EEPD1: variants seen among roughly 807,000 people sequenced by gnomAD.
EEPD1 encodes the protein endonuclease/exonuclease/phosphatase family domain containing 1.
In EEPD1, 17 loss-of-function variants were observed where a neutral mutation model predicts 46.3. The ratio of observed to expected loss-of-function variants is 0.37; its 90% CI spans 0.25 to 0.55. The LOEUF (loss-of-function observed/expected upper bound fraction) is 0.55. EEPD1 is among the 20% of genes least tolerant of loss of function. EEPD1 has a pLI of 0.83. For synonymous variants in EEPD1, 313 were observed against 315.6 expected, an observed-to-expected ratio of 0.99 and a Z score of 0.09; for missense variants, 673 against 745.6, an observed-to-expected ratio of 0.90 and a Z score of 1.13.
intron 2 of EEPD1, among the ~76,000 whole-genome samples, chr7:36,173,586 A>G (rs978866791): frequency 2.0e-5 from 3 of 151,804 alleles, no homozygotes; most frequent in Non-Finnish European, 2.9e-5. Context: ...TTCCACCATG[A>G]TTGTAAGTTT....
intron 2 of EEPD1, among the ~76,000 whole-genome samples, chr7:36,201,975 G>A (rs1328096405): frequency 6.6e-6 from 1 of 152,206 alleles, no homozygotes; most frequent in Non-Finnish European, 1.5e-5. Context: ...TGGACCAGCA[G>A]CATCAGCATC....
rs1787572425 is a variant in EEPD1, at chr7:36,299,000, C to T, written c.1511-7C>T. 1.9e-6 allele frequency: 3 copies of T among 1,613,796 alleles called. No individual in the cohort carries two copies. The highest frequency in any genetic ancestry group is 2.5e-6 in the Non-Finnish European group (3 of 1,179,856). On this transcript the variant is annotated splice_region_variant and splice_polypyrimidine_tract_variant and intron_variant, in intron 7 of 7. Transcript: ENST00000242108. ...ATTCCCGGTCTCTTTCCTTCCTCTCCCTTCAGGTCACTGGGCTGTGGTGAG... is the reference window on the plus strand; with the variant it reads ...ATTCCCGGTCTCTTTCCTTCCTCTCTCTTCAGGTCACTGGGCTGTGGTGAG...
intron 2 of EEPD1, among the ~76,000 whole-genome samples, chr7:36,182,713 G>A (rs1488461906): frequency 6.6e-6 from 1 of 152,196 alleles, no homozygotes; most frequent in African/African-American, 2.4e-5. Flanking sequence ...GTCAGGATTG[G>A]AACTCCTGAT....
intron 6 of EEPD1, among the ~76,000 whole-genome samples, chr7:36,296,694 C>CT (rs60706978): frequency 0.11 from 9,026 of 82,996 alleles, 703 homozygotes; most frequent in South Asian, 0.21. Context: ...ACCCTTAGGT[C>CT]TTTTTTTTTT....
intron 2 of EEPD1, among the ~76,000 whole-genome samples, chr7:36,236,771 A>G (rs1239302803): frequency 3.9e-5 from 6 of 152,218 alleles, no homozygotes; most frequent in African/African-American, 1.4e-4. Flanking sequence ...TGTCTAGCTA[A>G]AGGTTTGTAA....
Position 36,154,533 on chromosome 7 carries a change from A to G in EEPD1, c.209A>G (p.Tyr70Cys), listed in dbSNP as rs1562666308. The G allele has an allele frequency of 6.2e-7, 1 of 1,614,178 alleles. No individual in the cohort carries two copies. The highest frequency in any genetic ancestry group is 8.5e-7 in the Non-Finnish European group (1 of 1,180,024). The change falls in exon 2 of 8, where the codon TAT becomes TGT. Residue 70 changes from tyrosine to cysteine, a missense_variant. Coordinates refer to ENST00000242108, the MANE Select transcript of EEPD1 (RefSeq NM_030636.3). This position sits in a 1 kb window ranked among gnomAD's most constrained non-coding sequence, Gnocchi z 4.2. The stretch of plus-strand genomic sequence containing the variant: ...CGCAGCATCGTGGAGTACCGAGAGT[A>G]TATCGGTGGCTTCAAGAAGGTGGAG... ...VARSIVEYRE[Y>C]IGGFKKVEDL...
chr7:36,285,329 G>A (rs17274957), intron 5 of EEPD1, among the ~76,000 whole-genome samples: 44,154 of 152,044 alleles, frequency 0.29, 7,615 homozygotes, highest in Middle Eastern at 0.4. Context: ...TCTCAGGCCC[G>A]ATTCCTTTAT....
At chr7:36,232,645 T>C (rs1372139151) in intron 2 of EEPD1, among the ~76,000 whole-genome samples, 1 of 149,478 alleles carries the variant, frequency 6.7e-6, no homozygotes. Flanking sequence ...TTCAGTAGAT[T>C]GGTTGTGGCT....
chr7:36,160,097 G>T (rs6973326), intron 2 of EEPD1, among the ~76,000 whole-genome samples: 3,023 of 152,274 alleles, frequency 0.02, 85 homozygotes, highest in African/African-American at 0.069. Context: ...GAGTTTGATG[G>T]TGTTGATTTT....
intron 2 of EEPD1, among the ~76,000 whole-genome samples, chr7:36,156,680 A>C (rs2726056): frequency 1.2e-3 from 182 of 152,040 alleles, no homozygotes; most frequent in African/African-American, 4.2e-3. Context: ...GCCCCTGCCT[A>C]TTTATTATGT....
intron 2 of EEPD1, among the ~76,000 whole-genome samples, chr7:36,192,204 C>T (rs1179816673): frequency 2.6e-5 from 4 of 152,304 alleles, no homozygotes; most frequent in East Asian, 1.9e-4. Context: ...TAAGTGATGG[C>T]GTGTGAGCAG....
chr7:36,209,215 T>C (rs1009032141), intron 2 of EEPD1, among the ~76,000 whole-genome samples: 4 of 152,238 alleles, frequency 2.6e-5, no homozygotes, highest in Non-Finnish European at 5.9e-5. Flanking sequence ...CCCATGTCTG[T>C]TTAACTTCAA....
chr7:36,248,500 C>T (rs1280377193), intron 3 of EEPD1, among the ~76,000 whole-genome samples: 3 of 149,534 alleles, frequency 2.0e-5, no homozygotes, highest in African/African-American at 7.4e-5. Context: ...AGCCACCACC[C>T]TCGGCCAGAT....
intron 5 of EEPD1, among the ~76,000 whole-genome samples, chr7:36,285,540 A>G (rs943656511): frequency 2.0e-5 from 3 of 152,132 alleles, no homozygotes; most frequent in African/African-American, 4.8e-5. Context: ...GGAAGTGTTA[A>G]TGAACCGCAA....
At chr7:36,247,078 G>A (rs1469469643) in intron 3 of EEPD1, among the ~76,000 whole-genome samples, 5 of 147,472 alleles carry the variant, frequency 3.4e-5, no homozygotes, top group East Asian at 2.0e-4. Context: ...AGCTGAGATC[G>A]CACCATTGCA....
intron 3 of EEPD1, among the ~76,000 whole-genome samples, chr7:36,252,497 G>T (rs1301814481): frequency 1.3e-5 from 2 of 152,178 alleles, no homozygotes; most frequent in Admixed American, 6.5e-5. Context: ...CTTTTCCTGT[G>T]AGCTTTCTAT....
chr7:36,227,058 C>T (rs1196284763), intron 2 of EEPD1, among the ~76,000 whole-genome samples: 1 of 151,908 alleles, frequency 6.6e-6, no homozygotes, highest in Non-Finnish European at 1.5e-5. Context: ...AATATCTACC[C>T]ATCTTAAAGA....
intron 3 of EEPD1, among the ~76,000 whole-genome samples, chr7:36,268,807 G>A (rs1016370760): frequency 9.9e-5 from 15 of 152,276 alleles, no homozygotes; most frequent in South Asian, 4.2e-4. Flanking sequence ...TAGCAAATAC[G>A]TGAGGCGGGA....
chr7:36,155,317 A>G, intron 2 of EEPD1, 115 bp downstream of exon 2: 1 of 1,261,820 alleles, frequency 7.9e-7, no homozygotes. Context: ...AGAGTTTTTA[A>G]TCAATGTTCT....
Sources: gnomAD v4.1 joint callset for allele counts (sites outside exome capture counted in the v4.1 genomes callset) on GRCh38, gnomAD v4.1.1 for gene constraint, Gnocchi (gnomAD v3.1) non-coding constraint, MANE v1.5 for transcripts, NCBI Gene and HGNC (gene_info 2026-07-23, HGNC 2026-07-21) for gene names.